SMC1B: variants seen among roughly 807,000 people sequenced by gnomAD.
SMC1B encodes structural maintenance of chromosomes 1B, also known as structural maintenance of chromosomes protein 1B.
Under a neutral mutation model 157.9 loss-of-function variants are expected in SMC1B, and 60 were observed. That is an observed-to-expected ratio of 0.38 (90% CI 0.31 to 0.47). The LOEUF (loss-of-function observed/expected upper bound fraction) is 0.47, where lower values mean the gene tolerates loss of function less well. SMC1B is among the 20% of genes least tolerant of loss of function. The probability of loss-of-function intolerance (pLI) is 0.99; values close to 1 mark genes in which losing one functional copy is unlikely to be tolerated. For synonymous variants in SMC1B, 445 were observed against 483.0 expected (o/e 0.92, Z 1.03); for missense variants, 1,165 against 1,426.2 (o/e 0.82, Z 2.95).
At chr22:45,375,863 T>G (rs1311796325) in intron 12 of SMC1B, among the ~76,000 whole-genome samples, 1 of 152,178 alleles carries the variant, frequency 6.6e-6, no homozygotes, top group African/African-American at 2.4e-5. Context: ...TTTATACTCA[T>G]AAGGGAAGTC....
intron 10 of SMC1B, among the ~76,000 whole-genome samples, chr22:45,387,699 A>T (rs756639567): frequency 2.0e-5 from 3 of 152,176 alleles, no homozygotes; most frequent in Non-Finnish European, 4.4e-5. Context: ...CCCATTTTAG[A>T]TATGTGTCAA....
chr22:45,367,028 T>C (rs989172043), intron 15 of SMC1B, among the ~76,000 whole-genome samples: 1 of 152,178 alleles, frequency 6.6e-6, no homozygotes, highest in African/African-American at 2.4e-5. Flanking sequence ...TGCTTTTCTG[T>C]TATTTTGGAG....
At chr22:45,354,689 C>A (rs113768144) in intron 20 of SMC1B, among the ~76,000 whole-genome samples, 1 of 152,014 alleles carries the variant, frequency 6.6e-6, no homozygotes, top group Non-Finnish European at 1.5e-5. Flanking sequence ...CTGCGCCCAG[C>A]CTGATAAGAG....
In SMC1B at chr22:45,384,958, C is replaced by A. The variant is rs557450146; in HGVS notation, c.1912-1345G>T. On this transcript the variant is annotated intron_variant, in intron 11 of 24. Coordinates refer to ENST00000357450, the MANE Select transcript of SMC1B (RefSeq NM_148674.5). The stretch of plus-strand genomic sequence containing the variant: ...AATCTTTTCACAAATTTTCCAGCTA[C>A]TTACTGACATTTTTCTGGGTCTGTT... 7.5e-4 allele frequency among the ~76,000 whole-genome samples: 114 copies of A among 152,208 alleles called. 1 individual carries two copies. The South Asian group carries it at 0.011, about 14-fold the overall frequency.
Position 45,345,450 on chromosome 22 carries a change from T to G in SMC1B, c.3606+9A>C, listed in dbSNP as rs1282931639. The stretch of plus-strand genomic sequence containing the variant: ...GGGTACACTCCTCTCGCCTCTGATT[T>G]GTCTTTACCTCAGGATAGATGCCGA... On this transcript the variant is annotated intron_variant, in intron 24 of 24. Transcript: ENST00000357450. 5.7e-6 allele frequency: 9 copies of G among 1,588,096 alleles called. No individual in the cohort carries two copies. The highest frequency in any genetic ancestry group is 4.0e-5 in the African/African-American group (3 of 74,152).
chr22:45,354,179 TCTTTTA>T (rs764431724), intron 20 of SMC1B, 47 bp from the exon 21 acceptor site: 2 of 1,403,040 alleles, frequency 1.4e-6, no homozygotes, highest in South Asian at 3.2e-5. Flanking sequence ...CTGAGGAGGT[TCTTTTA>T]CTTAAACTGT....
At chr22:45,405,081 T>C (rs1049622575) in intron 4 of SMC1B, among the ~76,000 whole-genome samples, 1 of 152,070 alleles carries the variant, frequency 6.6e-6, no homozygotes, top group Non-Finnish European at 1.5e-5. Context: ...AATAAAAACA[T>C]GAATGAGAGA....
At chr22:45,379,417 A>G (rs1354805080) in intron 12 of SMC1B, among the ~76,000 whole-genome samples, 1 of 152,182 alleles carries the variant, frequency 6.6e-6, no homozygotes, top group Non-Finnish European at 1.5e-5. Flanking sequence ...CAAAAATTTC[A>G]TTACTTCCAT....
At chr22:45,395,061 A>G (rs1335404966) in intron 7 of SMC1B, among the ~76,000 whole-genome samples, 1 of 152,200 alleles carries the variant, frequency 6.6e-6, no homozygotes, top group Non-Finnish European at 1.5e-5. Context: ...GAACAAATAT[A>G]TTAGGTTGGT....
intron 5 of SMC1B, among the ~76,000 whole-genome samples, chr22:45,400,250 C>A (rs1011288454): frequency 1.3e-5 from 2 of 152,014 alleles, no homozygotes; most frequent in Non-Finnish European, 2.9e-5. Flanking sequence ...GAGCCTGGGG[C>A]AGGCTCATAC....
chr22:45,388,999 A>AAG (rs2087024826), intron 10 of SMC1B, among the ~76,000 whole-genome samples: 4 of 150,474 alleles, frequency 2.7e-5, no homozygotes, highest in African/African-American at 9.8e-5. Context: ...AAAAAAAAAA[A>AAG]AAAAAGAAAA....
At chr22:45,396,019 C>T (rs1449547304) in intron 7 of SMC1B, among the ~76,000 whole-genome samples, 3 of 152,102 alleles carry the variant, frequency 2.0e-5, no homozygotes, top group Non-Finnish European at 4.4e-5. Context: ...CTAGCATGTA[C>T]AAAGGCAAAA....
intron 12 of SMC1B, among the ~76,000 whole-genome samples, chr22:45,379,015 C>T (rs1306409788): frequency 6.6e-6 from 1 of 152,034 alleles, no homozygotes; most frequent in African/African-American, 2.4e-5. Context: ...GACAGTCTTG[C>T]CTTGTTGCCC....
intron 16 of SMC1B, among the ~76,000 whole-genome samples, 188 bp from the exon 17 acceptor site, chr22:45,362,172 C>T (rs2086728435): frequency 1.3e-5 from 2 of 152,178 alleles, no homozygotes; most frequent in Admixed American, 1.3e-4. Context: ...TCATTACCTG[C>T]CTTTATCCTT....
intron 22 of SMC1B, among the ~76,000 whole-genome samples, chr22:45,352,216 T>C (rs2086622180): frequency 8.2e-6 from 1 of 122,532 alleles, no homozygotes; most frequent in Admixed American, 8.4e-5. Context: ...TGAGACTCTG[T>C]CTCCAAAAAA....
At chr22:45,391,896 C>G (rs901348319) in intron 9 of SMC1B, among the ~76,000 whole-genome samples, 4 of 152,158 alleles carry the variant, frequency 2.6e-5, no homozygotes, top group Admixed American at 6.6e-5. Flanking sequence ...TAAGTGAGAA[C>G]TTGGGTCTTC....
chr22:45,368,924 G>A (rs1219704015), intron 15 of SMC1B, among the ~76,000 whole-genome samples: 1 of 152,100 alleles, frequency 6.6e-6, no homozygotes, highest in Non-Finnish European at 1.5e-5. Flanking sequence ...TCTGTACCTG[G>A]TGTATTTGGC....
rs193195040 is a variant in SMC1B at position 45,374,964 on chromosome 22, T to A, written c.2059-2672A>T. Reference sequence around the variant, plus strand: ...CATGAAACCTGAGACCAGAGAATCATTTTCCTCTAAAATGCTTTCTCCAAA... The same window carrying A: ...CATGAAACCTGAGACCAGAGAATCAATTTCCTCTAAAATGCTTTCTCCAAA... On this transcript the variant is annotated intron_variant, in intron 12 of 24. Transcript: ENST00000357450. Among the ~76,000 whole-genome samples the A allele has an allele frequency of 1.7e-3, 266 of 152,246 alleles. 6 individuals carry two copies. Among genetic ancestry groups the A allele is most frequent in the Admixed American group, 0.017 (263 of 15,288 alleles).
At chr22:45,389,923 A>G in intron 9 of SMC1B, 26 bp from the exon 10 acceptor site, 2 of 1,570,968 alleles carry the variant, frequency 1.3e-6, no homozygotes, top group African/African-American at 1.4e-5. Context: ...AAAAGGAGAG[A>G]AAAACAGATA....
Sources: allele counts gnomAD v4.1 joint callset (sites outside exome capture counted in the v4.1 genomes callset), GRCh38; gene constraint gnomAD v4.1.1; transcripts MANE v1.5; gene names NCBI Gene and HGNC (gene_info 2026-07-23, HGNC 2026-07-21).